The following NRG2 variants were observed in gnomAD, a reference collection of about 807,000 sequenced individuals.
NRG2 encodes pro-neuregulin-2, membrane-bound isoform.
NRG2 carries 27 observed loss-of-function variants against 73.9 expected under a neutral mutation model. The ratio of observed to expected loss-of-function variants is 0.37; its 90% CI spans 0.27 to 0.50. The LOEUF is 0.50. Among genes scored for constraint, NRG2 ranks in the 20% least tolerant of loss-of-function variants. The pLI, the probability that NRG2 is intolerant of heterozygous loss-of-function variation, is 0.96. For missense variants in NRG2, 1,126 were observed against 1,210.1 expected (o/e 0.93, Z 1.03); for synonymous variants, 532 against 541.0 (o/e 0.98, Z 0.23).
chr5:139,884,734 A>G (rs918122493), intron 2 of NRG2, among the ~76,000 whole-genome samples: 1 of 152,216 alleles, frequency 6.6e-6, no homozygotes, highest in African/African-American at 2.4e-5. Flanking sequence ...GTTCACTGAC[A>G]TATCTTGAGC....
intron 3 of NRG2, among the ~76,000 whole-genome samples, chr5:139,873,158 C>T (rs1762968119): frequency 1.3e-5 from 2 of 152,180 alleles, no homozygotes; most frequent in Non-Finnish European, 1.5e-5. Flanking sequence ...GTCTGAGGAG[C>T]ATGCTGATAA....
rs756464599 is a variant in NRG2, at chr5:139,852,097, C to A, written c.1545-266G>T. ...GCAACCAGCCTCCCCCCAGCCTTACCTTAGACCCCCTGTCTGGGACCTTTC... is the reference window on the plus strand; with the variant it reads ...GCAACCAGCCTCCCCCCAGCCTTACATTAGACCCCCTGTCTGGGACCTTTC... On this transcript the variant is annotated intron_variant, in intron 8 of 9. Coordinates refer to ENST00000361474, the MANE Select transcript of NRG2 (RefSeq NM_004883.3). This position sits in a 1 kb window ranked among gnomAD's most constrained non-coding sequence, Gnocchi z 4.4. Among the ~76,000 whole-genome samples, 3 of 152,212 alleles carry A rather than the reference C, an allele frequency of 2.0e-5. No individual in the cohort carries two copies. Among genetic ancestry groups the A allele is most frequent in the Admixed American group, 6.5e-5 (1 of 15,288 alleles).
At chr5:139,990,087 CTTA>C (rs1757499074) in intron 1 of NRG2, among the ~76,000 whole-genome samples, 1 of 151,186 alleles carries the variant, frequency 6.6e-6, no homozygotes, top group African/African-American at 2.4e-5. Context: ...TGTGCCTGGC[CTTA>C]TTATTATTAT....
At position 139,848,154 on chromosome 5, in the gene NRG2, G is replaced by A; in HGVS notation, c.2316C>T (p.Gly772=). ...SLSLSSGSGG[G]SASASDDDAD... The stretch of plus-strand genomic sequence containing the variant: ...CGTCGTCGTCCGACGCCGAGGCTGA[G>A]CCGCCGCCCGAGCCGCTGCTCAGCG... The change falls in exon 10 of 10, where the codon GGC becomes GGT. Residue 772 remains glycine, a synonymous_variant. Coordinates refer to ENST00000361474, the MANE Select transcript of NRG2 (RefSeq NM_004883.3). 1.4e-6 allele frequency: 2 copies of A among 1,442,338 alleles called. No homozygotes were observed. Among genetic ancestry groups the A allele is most frequent in the South Asian group, 1.4e-5 (1 of 73,416 alleles). The allele number at this position is 1,442,338 out of a possible 1,614,324, so 89.3% of individuals were successfully genotyped here.
chr5:139,998,616 C>A lies in NRG2; in HGVS notation c.700+43754G>T, dbSNP rs377153353. On this transcript the variant is annotated intron_variant, in intron 1 of 9. Coordinates refer to ENST00000361474, the MANE Select transcript of NRG2 (RefSeq NM_004883.3). The stretch of plus-strand genomic sequence containing the variant: ...TCTACTAGTGATGTGGAAAGAAGTA[C>A]AGAACTCTAGTCACCAAAAGTAGAG... 3.6e-4 allele frequency among the ~76,000 whole-genome samples: 55 copies of A among 152,290 alleles called. 1 individual carries two copies. In the South Asian group the frequency reaches 0.011, roughly 30 times the overall value.
intron 1 of NRG2, among the ~76,000 whole-genome samples, chr5:139,958,362 AC>A (rs1299373907): frequency 6.6e-6 from 1 of 152,094 alleles, no homozygotes; most frequent in Admixed American, 6.5e-5. Context: ...AAGCATCAAT[AC>A]TTTTTGATTT....
chr5:139,927,830 G>T (rs1046841165), intron 1 of NRG2, among the ~76,000 whole-genome samples: 4 of 151,132 alleles, frequency 2.6e-5, no homozygotes, highest in African/African-American at 9.7e-5. Context: ...GCACTCTCTG[G>T]TCCCCTCTAC....
rs182582727 is a variant in NRG2, at chr5:139,856,118, G to C, written c.1190-340C>G. 2.3e-4 allele frequency: 73 copies of C among 318,822 alleles called. No individual in the cohort carries two copies. The East Asian group carries it at 4.0e-3, about 18-fold the overall frequency. 19.7% of individuals were successfully genotyped at this position (318,822 alleles called of 1,614,324 possible). ...CAAAGCTCCCGAGGCTGTAGAGCAG[G>C]GGAGGACAGCTCAGTCTGGCCGGTG... On this transcript the variant is annotated intron_variant, in intron 5 of 9. Coordinates refer to ENST00000361474, the MANE Select transcript of NRG2 (RefSeq NM_004883.3). This position sits in a 1 kb window ranked among gnomAD's most constrained non-coding sequence, Gnocchi z 4.2.
intron 1 of NRG2, among the ~76,000 whole-genome samples, chr5:140,011,322 C>T (rs1050279245): frequency 6.6e-6 from 1 of 152,170 alleles, no homozygotes; most frequent in Non-Finnish European, 1.5e-5. Flanking sequence ...CTTAATCTTC[C>T]TTCGGGATTA....
At chr5:139,945,081 G>T (rs1753707390) in intron 1 of NRG2, among the ~76,000 whole-genome samples, 1 of 151,660 alleles carries the variant, frequency 6.6e-6, no homozygotes, top group African/African-American at 2.4e-5. Flanking sequence ...GACCATTTTT[G>T]CCCATTTTTT....
At chr5:139,879,614 G>A (rs1001548561) in intron 3 of NRG2, among the ~76,000 whole-genome samples, 1 of 152,204 alleles carries the variant, frequency 6.6e-6, no homozygotes, top group African/African-American at 2.4e-5. Context: ...ATTTAGGCCA[G>A]GGTGTTGAGA....
intron 1 of NRG2, among the ~76,000 whole-genome samples, chr5:140,024,397 G>A (rs369015358): frequency 3.3e-5 from 5 of 151,796 alleles, no homozygotes; most frequent in African/African-American, 1.2e-4. Flanking sequence ...TGGGACTACA[G>A]GCGCCCGCCA....
At chr5:139,877,412 G>A (rs772069400) in intron 3 of NRG2, among the ~76,000 whole-genome samples, 2 of 152,242 alleles carry the variant, frequency 1.3e-5, no homozygotes, top group African/African-American at 4.8e-5. Context: ...TCTTCTAGCT[G>A]CCCTATCCCT....
In NRG2 at chr5:139,973,045, A is replaced by G. The variant is rs115042030; in HGVS notation, c.700+69325T>C. On this transcript the variant is annotated intron_variant, in intron 1 of 9. Coordinates refer to ENST00000361474, the MANE Select transcript of NRG2 (RefSeq NM_004883.3). ...GTCACATACTGGTAGTGAAGCATAA[A>G]TTGACACAATCTTTCTGAACTTGGC... 5.6e-3 allele frequency among the ~76,000 whole-genome samples: 847 copies of G among 151,574 alleles called. 6 individuals are homozygous for G. Among genetic ancestry groups the G allele is most frequent in the African/African-American group, 0.019 (797 of 41,444 alleles).
rs1691856524 is a variant in NRG2 at position 139,868,527 on chromosome 5, T to C, written c.1113-2902A>G. 6.6e-6 allele frequency among the ~76,000 whole-genome samples: 1 copy of C among 151,992 alleles called. No individual in the cohort carries two copies. Among genetic ancestry groups the C allele is most frequent in the South Asian group, 2.1e-4 (1 of 4,806 alleles). ...CCCACCAGGTCATCAGTTATGACTC[T>C]GGGGAAGGTCTGTCCCCAGGGCTGG... is the stretch of plus-strand genomic sequence containing the variant. On this transcript the variant is annotated intron_variant, in intron 4 of 9. Transcript: ENST00000361474. This position sits in a 1 kb window ranked among gnomAD's most constrained non-coding sequence, Gnocchi z 4.2.
chr5:139,933,120 C>T (rs1387753037), intron 1 of NRG2, among the ~76,000 whole-genome samples: 2 of 151,952 alleles, frequency 1.3e-5, no homozygotes, highest in Admixed American at 1.3e-4. Context: ...ACTAAAAATA[C>T]AAAAAATAGC....
Position 139,848,415 on chromosome 5 carries a change from T to C in NRG2, c.2055A>G (p.Gly685=). 2 of 1,281,302 alleles carry C rather than the reference T, an allele frequency of 1.6e-6. No homozygotes were observed. Among genetic ancestry groups the C allele is most frequent in the South Asian group, 2.7e-5 (1 of 36,742 alleles). 79.4% of individuals were successfully genotyped at this position (1,281,302 alleles called of 1,614,324 possible). A position where few individuals can be genotyped will look rare whatever the true frequency, so the allele number is the denominator to read the frequency against. Residue 685 remains glycine, a synonymous_variant, in exon 10 of 10, where the codon GGA becomes GGG. Transcript: ENST00000361474. Reference sequence around the variant, plus strand: ...CGAGCGCGCAGGTCCCGCGCCGCGGTCCGGGCCCCGCCGCGGGGTAATAGT... The same window carrying C: ...CGAGCGCGCAGGTCCCGCGCCGCGGCCCGGGCCCCGCCGCGGGGTAATAGT... ...DSYYYPAAGP[G]PRRGTCALGG... is the part of the protein sequence containing the mutation.
intron 1 of NRG2, among the ~76,000 whole-genome samples, chr5:139,956,185 C>G (rs1309545266): frequency 6.6e-6 from 1 of 152,138 alleles, no homozygotes; most frequent in Non-Finnish European, 1.5e-5. Context: ...ATTTCTCCCT[C>G]CCTAGCTTGT....
chr5:139,933,758 A>G (rs1211859731), intron 1 of NRG2, among the ~76,000 whole-genome samples: 1 of 152,248 alleles, frequency 6.6e-6, no homozygotes, highest in Non-Finnish European at 1.5e-5. Flanking sequence ...TTACATTTAT[A>G]GCAAATTATA....
Sources: gnomAD v4.1 joint callset for allele counts (sites outside exome capture counted in the v4.1 genomes callset) on GRCh38, gnomAD v4.1.1 for gene constraint, Gnocchi (gnomAD v3.1) non-coding constraint, MANE v1.5 for transcripts, NCBI Gene and HGNC (gene_info 2026-07-23, HGNC 2026-07-21) for gene names.